NAA15: variants seen among roughly 807,000 people sequenced by gnomAD.
NAA15 encodes the protein N-alpha-acetyltransferase 15, NatA auxiliary subunit, also known as N-terminal acetyltransferase.
NAA15 carries 34 observed loss-of-function variants against 114.0 expected under a neutral mutation model. That is an observed-to-expected ratio of 0.30 (90% CI 0.23 to 0.40). The LOEUF (loss-of-function observed/expected upper bound fraction) is 0.40, where lower values mean the gene tolerates loss of function less well. Ranked by LOEUF, NAA15 falls within the 10% of genes least tolerant of loss-of-function variation. The pLI is 1.00. For missense variants in NAA15, 658 were observed against 1,004.5 expected, an observed-to-expected ratio of 0.66 and a Z score of 4.66; for synonymous variants, 340 against 338.0, an observed-to-expected ratio of 1.01 and a Z score of -0.06.
At chr4:139,314,483 A>G (rs542715522) in intron 1 of NAA15, among the ~76,000 whole-genome samples, 3 of 152,072 alleles carry the variant, frequency 2.0e-5, no homozygotes, top group Non-Finnish European at 2.9e-5. Flanking sequence ...TTACCTGTAC[A>G]TGATTTAACT....
At chr4:139,379,985 C>T (rs1748697816) in intron 17 of NAA15, among the ~76,000 whole-genome samples, 1 of 152,158 alleles carries the variant, frequency 6.6e-6, no homozygotes, top group South Asian at 2.1e-4. Context: ...GCGGAGGTTG[C>T]AGTGAGCCGA....
intron 3 of NAA15, among the ~76,000 whole-genome samples, chr4:139,340,404 G>A (rs577035591): frequency 2.2e-4 from 33 of 152,244 alleles, no homozygotes; most frequent in African/African-American, 7.5e-4. Flanking sequence ...TAGAAACTTT[G>A]TATTACACTA....
chr4:139,378,379 A>G (rs2110993813), intron 16 of NAA15, among the ~76,000 whole-genome samples: 1 of 152,342 alleles, frequency 6.6e-6, no homozygotes, highest in East Asian at 1.9e-4. Flanking sequence ...GCTGTTTCAC[A>G]TGTCACAAAA....
At chr4:139,332,164 A>G (rs924959633) in intron 1 of NAA15, among the ~76,000 whole-genome samples, 1 of 151,984 alleles carries the variant, frequency 6.6e-6, no homozygotes, top group Non-Finnish European at 1.5e-5. Flanking sequence ...ACAGTCTCAC[A>G]CTGTCATCCA....
chr4:139,347,481 T>C (rs1197523778), intron 6 of NAA15, among the ~76,000 whole-genome samples: 4 of 151,196 alleles, frequency 2.6e-5, no homozygotes, highest in African/African-American at 9.7e-5. Context: ...AAAATAAAAA[T>C]AAAAAAATTA....
rs1162036613 is a variant in NAA15 at position 139,388,147 on chromosome 4, C to T, written c.*63C>T. ...TATCTAGTATATAATATTTTTGTCA[C>T]GCACCTGCTGCATTGCTCTAACTTA... On this transcript the variant is annotated 3_prime_UTR_variant, in exon 20 of 20. Coordinates refer to ENST00000296543, the MANE Select transcript of NAA15 (RefSeq NM_057175.5). 23 of 1,389,380 alleles carry T rather than the reference C, an allele frequency of 1.7e-5. No individual in the cohort carries two copies. The highest frequency in any genetic ancestry group is 2.4e-5 in the East Asian group (1 of 42,416). 86.1% of individuals were successfully genotyped at this position (1,389,380 alleles called of 1,614,324 possible). A position where few individuals can be genotyped will look rare whatever the true frequency, so the allele number is the denominator to read the frequency against.
At chr4:139,323,382 C>T (rs890277580) in intron 1 of NAA15, among the ~76,000 whole-genome samples, 3 of 151,888 alleles carry the variant, frequency 2.0e-5, no homozygotes, top group East Asian at 3.9e-4. Context: ...TTAGTAGAGA[C>T]GGGGTTTTGC....
chr4:139,307,908 G>T (rs1746077541), intron 1 of NAA15, among the ~76,000 whole-genome samples: 1 of 152,060 alleles, frequency 6.6e-6, no homozygotes. Flanking sequence ...GTTAGGCAAA[G>T]GAGTAGTAAT....
At chr4:139,313,465 T>G (rs1008304167) in intron 1 of NAA15, among the ~76,000 whole-genome samples, 1 of 151,934 alleles carries the variant, frequency 6.6e-6, no homozygotes, top group African/African-American at 2.4e-5. Flanking sequence ...TTAGCTGATA[T>G]AAACTTTGTG....
chr4:139,324,817 G>A (rs1211740801), intron 1 of NAA15, among the ~76,000 whole-genome samples: 2 of 152,076 alleles, frequency 1.3e-5, no homozygotes, highest in African/African-American at 2.4e-5. Context: ...TATTATAGAA[G>A]TAGTGCATTT....
chr4:139,329,153 A>T (rs1746911420), intron 1 of NAA15, among the ~76,000 whole-genome samples: 1 of 151,558 alleles, frequency 6.6e-6, no homozygotes, highest in South Asian at 2.1e-4. Flanking sequence ...AAGTGCTGAG[A>T]TTACAGGCAT....
chr4:139,339,433 G>A (rs1456511362), intron 3 of NAA15, among the ~76,000 whole-genome samples: 1 of 152,154 alleles, frequency 6.6e-6, no homozygotes, highest in East Asian at 1.9e-4. Context: ...GGAGTTTGAG[G>A]CTACAGTGAG....
Position 139,340,920 on chromosome 4 carries a change from G to T in NAA15, c.253G>T (p.Val85Phe), listed in dbSNP as rs1313500945. Residue 85 changes from valine to phenylalanine, a missense_variant, in exon 4 of 20, where the codon GTT (valine) becomes TTT (phenylalanine). Val to Phe is a conservative substitution (Grantham distance 50). Coordinates refer to ENST00000296543, the MANE Select transcript of NAA15 (RefSeq NM_057175.5). ...TTAACTAAATTCTTTAGGTTGGCAC[G>T]TTTATGGCCTTCTTCAGAGGTCAGA... ...NDLKSHVCWHVYGLLQRSDKK... is the reference protein window; with the variant it reads ...NDLKSHVCWHFYGLLQRSDKK... 1 of 1,568,986 alleles carries T rather than the reference G, an allele frequency of 6.4e-7. No individual in the cohort carries two copies. Among genetic ancestry groups the T allele is most frequent in the Non-Finnish European group, 8.6e-7 (1 of 1,161,838 alleles).
At chr4:139,332,887 T>C (rs565284026) in intron 1 of NAA15, among the ~76,000 whole-genome samples, 3 of 152,254 alleles carry the variant, frequency 2.0e-5, no homozygotes, top group South Asian at 2.1e-4. Context: ...TGGCCTCTTA[T>C]ATAGTCTTAA....
chr4:139,325,097 A>C (rs1214193920), intron 1 of NAA15, among the ~76,000 whole-genome samples: 1 of 146,104 alleles, frequency 6.8e-6, no homozygotes, highest in African/African-American at 2.6e-5. Flanking sequence ...TAATGTAAAC[A>C]TATCTCATTC....
At chr4:139,315,083 G>C (rs1746365328) in intron 1 of NAA15, among the ~76,000 whole-genome samples, 1 of 83,904 alleles carries the variant, frequency 1.2e-5, no homozygotes, top group Non-Finnish European at 2.2e-5. Flanking sequence ...TAGTTTTTGA[G>C]ACGGAGTCTC....
intron 5 of NAA15, among the ~76,000 whole-genome samples, chr4:139,343,306 A>G (rs1747475693): frequency 6.6e-6 from 1 of 152,228 alleles, no homozygotes; most frequent in East Asian, 1.9e-4. Context: ...TTATAGGGAT[A>G]GATTATAAAA....
chr4:139,386,968 C>T (rs1370329417), intron 19 of NAA15, among the ~76,000 whole-genome samples: 2 of 152,104 alleles, frequency 1.3e-5, no homozygotes, highest in African/African-American at 4.8e-5. Context: ...GGGATAGCTA[C>T]CTCATGTTAT....
chr4:139,327,596 T>C (rs1475383549), intron 1 of NAA15, among the ~76,000 whole-genome samples: 1 of 152,176 alleles, frequency 6.6e-6, no homozygotes, highest in Non-Finnish European at 1.5e-5. Context: ...TATCTTATGG[T>C]GAATATACGT....
Sources: allele counts gnomAD v4.1 joint callset (sites outside exome capture counted in the v4.1 genomes callset), GRCh38; gene constraint gnomAD v4.1.1; transcripts MANE v1.5; gene names NCBI Gene and HGNC (gene_info 2026-07-23, HGNC 2026-07-21).